PCMTD1: variants seen among roughly 807,000 people sequenced by gnomAD.
The protein encoded by PCMTD1 is protein-L-isoaspartate (D-aspartate) O-methyltransferase domain containing 1.
In PCMTD1, 12 loss-of-function variants were observed where a neutral mutation model predicts 37.6. The observed-to-expected ratio is 0.32, with a 90% confidence interval of 0.20 to 0.52. PCMTD1 has a LOEUF of 0.52. PCMTD1 is among the 20% of genes least tolerant of loss of function. The pLI is 0.97. For missense variants in PCMTD1, 235 were observed against 421.3 expected (o/e 0.56, Z 3.87); for synonymous variants, 117 against 135.8 (o/e 0.86, Z 0.96).
intron 1 of PCMTD1, among the ~76,000 whole-genome samples, chr8:51,865,894 A>G (rs1245511222): frequency 6.6e-6 from 1 of 152,074 alleles, no homozygotes; most frequent in Non-Finnish European, 1.5e-5. Context: ...AACTGATAAC[A>G]TAATCTTATA....
intron 3 of PCMTD1, among the ~76,000 whole-genome samples, chr8:51,841,360 A>G (rs2129279218): frequency 6.6e-6 from 1 of 152,306 alleles, no homozygotes; most frequent in African/African-American, 2.4e-5. Flanking sequence ...ATTCATATGG[A>G]ATGAAAATCT....
At chr8:51,839,417 C>A in intron 3 of PCMTD1, 1 of 982,644 alleles carries the variant, frequency 1.0e-6, no homozygotes, top group African/African-American at 1.7e-5. Context: ...AAGACTTGCC[C>A]AAAATAACAC....
chr8:51,839,187 G>GA (rs1387594623), intron 3 of PCMTD1, among the ~76,000 whole-genome samples: 20 of 149,724 alleles, frequency 1.3e-4, no homozygotes, highest in Non-Finnish European at 2.4e-4. Context: ...TATACAGAAG[G>GA]AAAAAAAAAT....
chr8:51,897,021 A>G (rs1261450821), intron 1 of PCMTD1, among the ~76,000 whole-genome samples: 7 of 152,210 alleles, frequency 4.6e-5, no homozygotes, highest in Admixed American at 4.6e-4. Flanking sequence ...AAATAACTAA[A>G]ATGTCATGGA....
At chr8:51,897,400 G>C (rs1470666291) in intron 1 of PCMTD1, among the ~76,000 whole-genome samples, 1 of 151,698 alleles carries the variant, frequency 6.6e-6, no homozygotes, top group Non-Finnish European at 1.5e-5. Flanking sequence ...CTCAGGCTAG[G>C]GCCACTAGCT....
In PCMTD1 at chr8:51,861,186, GAAATA is replaced by G; in HGVS notation, c.-40_-36del. On this transcript the variant is annotated 5_prime_UTR_variant, in exon 2 of 6. Transcript: ENST00000522514. The stretch of plus-strand genomic sequence containing the variant: ...CAAATCAAATCATAAATTTAAAAGT[GAAATA>G]AAATTAGTAGAAATGGCTTCCAATA... 6.5e-7 allele frequency: 1 copy of G among 1,538,048 alleles called. No individual in the cohort carries two copies. Among genetic ancestry groups the G allele is most frequent in the South Asian group, 1.3e-5 (1 of 78,230 alleles).
upstream of PCMTD1, chr8:51,899,069 A>C: frequency 1.3e-6 from 2 of 1,500,350 alleles, no homozygotes; most frequent in African/African-American, 1.4e-5. Flanking sequence ...CGACTGGAGC[A>C]GCCAGAGCCT....
At chr8:51,870,512 T>A (rs184220594) in intron 1 of PCMTD1, 1 of 152,254 alleles carries the variant, frequency 6.6e-6, no homozygotes, top group East Asian at 1.9e-4. Context: ...CTATATTCAA[T>A]GATGAATACA....
chr8:51,846,307 G>A (rs921787937), intron 2 of PCMTD1, among the ~76,000 whole-genome samples: 1 of 152,150 alleles, frequency 6.6e-6, no homozygotes, highest in Non-Finnish European at 1.5e-5. Context: ...TCATGCTCCA[G>A]CATCTTTTAC....
At chr8:51,878,979 A>T (rs574134251) in intron 1 of PCMTD1, among the ~76,000 whole-genome samples, 2 of 152,240 alleles carry the variant, frequency 1.3e-5, no homozygotes, top group Admixed American at 6.5e-5. Flanking sequence ...TTAAAATATT[A>T]GCCAGGTGTG....
intron 4 of PCMTD1, among the ~76,000 whole-genome samples, chr8:51,832,697 T>C (rs968776873): frequency 6.6e-6 from 1 of 152,260 alleles, no homozygotes. Flanking sequence ...TACCTAATAA[T>C]TCCAAACCAA....
At chr8:51,839,105 AAT>A (rs1218399054) in intron 3 of PCMTD1, among the ~76,000 whole-genome samples, 3 of 152,168 alleles carry the variant, frequency 2.0e-5, no homozygotes, top group Non-Finnish European at 4.4e-5. Context: ...TGAAAAAAAA[AAT>A]GTTCAAAACA....
At chr8:51,868,346 A>G (rs2038589993) in intron 1 of PCMTD1, among the ~76,000 whole-genome samples, 1 of 152,166 alleles carries the variant, frequency 6.6e-6, no homozygotes, top group Non-Finnish European at 1.5e-5. Context: ...TCCAAAAGTA[A>G]TGAATAAAAA....
intron 1 of PCMTD1, among the ~76,000 whole-genome samples, chr8:51,869,162 G>A (rs2038603358): frequency 6.6e-6 from 1 of 152,162 alleles, no homozygotes; most frequent in Non-Finnish European, 1.5e-5. Flanking sequence ...GACGTCTGTA[G>A]TGAATACTGT....
intron 1 of PCMTD1, among the ~76,000 whole-genome samples, chr8:51,868,178 G>A (rs923736591): frequency 6.6e-6 from 1 of 152,040 alleles, no homozygotes; most frequent in African/African-American, 2.4e-5. Flanking sequence ...TTGGTGTGGG[G>A]GGGTGTGGGA....
At chr8:51,860,753 T>C (rs538935465) in intron 2 of PCMTD1, 92 bp downstream of exon 2, 10 of 1,079,784 alleles carry the variant, frequency 9.3e-6, no homozygotes, top group Middle Eastern at 3.1e-4. Context: ...CATTCAAACA[T>C]ACTGTACACA....
At chr8:51,867,476 G>GGTGTGTGTGTGT (rs59206546) in intron 1 of PCMTD1, among the ~76,000 whole-genome samples, 3 of 141,484 alleles carry the variant, frequency 2.1e-5, no homozygotes, top group Admixed American at 7.1e-5. Context: ...TAAAGAAAAT[G>GGTGTGTGTGTGT]GTGTGTGTGT....
intron 1 of PCMTD1, among the ~76,000 whole-genome samples, chr8:51,895,703 T>TC (rs1387122011): frequency 2.6e-5 from 4 of 152,184 alleles, no homozygotes; most frequent in Non-Finnish European, 5.9e-5. Context: ...AAAAACGTCT[T>TC]TAGGGGGCTG....
chr8:51,827,694 C>T (rs2037940947), intron 5 of PCMTD1, among the ~76,000 whole-genome samples: 1 of 152,152 alleles, frequency 6.6e-6, no homozygotes, highest in South Asian at 2.1e-4. Flanking sequence ...TCCCATATAT[C>T]TGGGCACTCA....
Sources: allele counts gnomAD v4.1 joint callset (sites outside exome capture counted in the v4.1 genomes callset), GRCh38; gene constraint gnomAD v4.1.1; transcripts MANE v1.5; gene names NCBI Gene and HGNC (gene_info 2026-07-23, HGNC 2026-07-21).